Variants in KCTD8 observed in about 807,000 individuals in gnomAD.
KCTD8 encodes the protein potassium channel tetramerization domain containing 8.
In KCTD8, 27 loss-of-function variants were observed where a neutral mutation model predicts 31.5. That is an observed-to-expected ratio of 0.86 (90% CI 0.63 to 1.18). The LOEUF is 1.18. Ranked by LOEUF, KCTD8 falls within the 50% of genes most tolerant of loss-of-function variation. KCTD8 has a pLI of 0.00. For missense variants in KCTD8, 658 were observed against 647.7 expected (o/e 1.02, Z -0.17); for synonymous variants, 290 against 280.0 (o/e 1.04, Z -0.36).
chr4:44,374,849 A>C (rs897958859), intron 1 of KCTD8, among the ~76,000 whole-genome samples: 2 of 152,160 alleles, frequency 1.3e-5, no homozygotes, highest in African/African-American at 4.8e-5. Flanking sequence ...GATCATCATA[A>C]CAGATATAAT....
Position 44,387,802 on chromosome 4 carries a change from C to T in KCTD8, c.961+59761G>A, listed in dbSNP as rs1038683600. On this transcript the variant is annotated intron_variant, in intron 1 of 1. Coordinates refer to ENST00000360029, the MANE Select transcript of KCTD8 (RefSeq NM_198353.3). ...TAGGCAATGTCATTCAGGACATAGG[C>T]ACAGGCAAAGATTTCATGATGAAGA... Among the ~76,000 whole-genome samples, 81 of 151,938 alleles carry T rather than the reference C, an allele frequency of 5.3e-4. 1 individual carries two copies. The highest frequency in any genetic ancestry group is 4.9e-3 in the Admixed American group (74 of 15,206).
chr4:44,429,205 TA>T (rs778066258), intron 1 of KCTD8, among the ~76,000 whole-genome samples: 4 of 150,568 alleles, frequency 2.7e-5, no homozygotes, highest in African/African-American at 4.9e-5. Flanking sequence ...TGGAAAGATT[TA>T]AAAAAAAAGC....
At chr4:44,362,454 C>T (rs1373341077) in intron 1 of KCTD8, among the ~76,000 whole-genome samples, 1 of 152,018 alleles carries the variant, frequency 6.6e-6, no homozygotes, top group East Asian at 1.9e-4. Context: ...GTTCCAAATA[C>T]ATAGTCTTTC....
intron 1 of KCTD8, among the ~76,000 whole-genome samples, chr4:44,279,882 A>G (rs1716851804): frequency 6.6e-6 from 1 of 152,128 alleles, no homozygotes; most frequent in Non-Finnish European, 1.5e-5. Context: ...ATTCACTAAG[A>G]TGAAATGCAA....
chr4:44,392,891 G>A (rs1015945597), intron 1 of KCTD8, among the ~76,000 whole-genome samples: 2 of 151,908 alleles, frequency 1.3e-5, no homozygotes, highest in South Asian at 2.1e-4. Context: ...TTTACTAAAC[G>A]TCAAAAATAT....
At chr4:44,251,842 T>A (rs905351849) in intron 1 of KCTD8, among the ~76,000 whole-genome samples, 1 of 151,660 alleles carries the variant, frequency 6.6e-6, no homozygotes, top group Admixed American at 6.6e-5. Context: ...TATGCTTTTT[T>A]TTCTGTTCCT....
chr4:44,393,267 A>T (rs1308830942), intron 1 of KCTD8, among the ~76,000 whole-genome samples: 1 of 152,024 alleles, frequency 6.6e-6, no homozygotes, highest in African/African-American at 2.4e-5. Flanking sequence ...CATGGTAGGG[A>T]AAACAAAAAA....
intron 1 of KCTD8, among the ~76,000 whole-genome samples, chr4:44,221,884 C>A (rs1203334570): frequency 6.6e-6 from 1 of 152,110 alleles, no homozygotes; most frequent in African/African-American, 2.4e-5. Flanking sequence ...CACAGACACA[C>A]CCCGGAACAA....
At chr4:44,354,964 T>C (rs980331533) in intron 1 of KCTD8, among the ~76,000 whole-genome samples, 2 of 152,048 alleles carry the variant, frequency 1.3e-5, no homozygotes, top group African/African-American at 4.8e-5. Flanking sequence ...TGTGAGAAAA[T>C]GAATAAATGC....
intron 1 of KCTD8, among the ~76,000 whole-genome samples, chr4:44,269,488 T>G (rs1182696665): frequency 1.3e-5 from 2 of 151,346 alleles, no homozygotes; most frequent in Non-Finnish European, 2.9e-5. Context: ...GGGCAAGGAC[T>G]TCATGTCTAA....
chr4:44,264,939 T>C (rs1418698106), intron 1 of KCTD8, among the ~76,000 whole-genome samples: 1 of 152,198 alleles, frequency 6.6e-6, no homozygotes, highest in African/African-American at 2.4e-5. Flanking sequence ...TGCCTGCCTC[T>C]GTAGGCTCCA....
At chr4:44,210,736 A>G (rs1001821267) in intron 1 of KCTD8, among the ~76,000 whole-genome samples, 6 of 152,170 alleles carry the variant, frequency 3.9e-5, no homozygotes, top group African/African-American at 1.4e-4. Flanking sequence ...ACAGGAGGGA[A>G]GGGCACCACT....
At chr4:44,275,740 T>C (rs2109375253) in intron 1 of KCTD8, among the ~76,000 whole-genome samples, 1 of 152,174 alleles carries the variant, frequency 6.6e-6, no homozygotes, top group South Asian at 2.1e-4. Context: ...AGTGGCACGC[T>C]GTTACATTTT....
At chr4:44,178,009 G>A (rs1713267804) in intron 1 of KCTD8, among the ~76,000 whole-genome samples, 1 of 152,122 alleles carries the variant, frequency 6.6e-6, no homozygotes, top group East Asian at 1.9e-4. Context: ...AGTTTTTAGT[G>A]GCACCAGATT....
chr4:44,174,099 A>C lies in KCTD8; in HGVS notation c.*691T>G, dbSNP rs1713123403. 6.6e-6 allele frequency: 1 copy of C among 152,246 alleles called. No individual in the cohort carries two copies. Among genetic ancestry groups the C allele is most frequent in the Non-Finnish European group, 1.5e-5 (1 of 68,026 alleles). 9.4% of individuals were successfully genotyped at this position (152,246 alleles called of 1,614,324 possible). ...TGTTGATGCCATAAATAACAGTATAAGGCATATTTACACCATCTTAATATA... is the reference window on the plus strand; with the variant it reads ...TGTTGATGCCATAAATAACAGTATACGGCATATTTACACCATCTTAATATA... On this transcript the variant is annotated 3_prime_UTR_variant, in exon 2 of 2. Coordinates refer to ENST00000360029, the MANE Select transcript of KCTD8 (RefSeq NM_198353.3).
chr4:44,330,136 G>A (rs1018758017), intron 1 of KCTD8, among the ~76,000 whole-genome samples: 1 of 151,688 alleles, frequency 6.6e-6, no homozygotes, highest in African/African-American at 2.4e-5. Context: ...CACATTTCAG[G>A]TTAGATACGT....
chr4:44,295,758 C>A (rs183486914), intron 1 of KCTD8, among the ~76,000 whole-genome samples: 5 of 152,288 alleles, frequency 3.3e-5, no homozygotes, highest in Non-Finnish European at 5.9e-5. Flanking sequence ...ATGAACAAAA[C>A]ACCTCCCAGA....
intron 1 of KCTD8, among the ~76,000 whole-genome samples, chr4:44,360,528 T>C (rs893790670): frequency 6.6e-6 from 1 of 152,050 alleles, no homozygotes; most frequent in Non-Finnish European, 1.5e-5. Context: ...CTACTTCCAC[T>C]GGAAGTCTAG....
chr4:44,375,467 C>T (rs1263459924), intron 1 of KCTD8, among the ~76,000 whole-genome samples: 1 of 152,058 alleles, frequency 6.6e-6, no homozygotes, highest in Non-Finnish European at 1.5e-5. Flanking sequence ...AATGTGAAGG[C>T]ATCAAGAGAT....
Sources: gnomAD v4.1 joint callset for allele counts (sites outside exome capture counted in the v4.1 genomes callset) on GRCh38, gnomAD v4.1.1 for gene constraint, MANE v1.5 for transcripts, NCBI Gene and HGNC (gene_info 2026-07-23, HGNC 2026-07-21) for gene names.